Variants in ATXN1 observed in about 807,000 individuals in gnomAD.
The protein encoded by ATXN1 is ataxin 1, also known as ataxin-1.
ATXN1 carries 8 observed loss-of-function variants against 56.4 expected under a neutral mutation model. That is an observed-to-expected ratio of 0.14 (90% confidence interval 0.08 to 0.26). ATXN1 has a LOEUF of 0.26. Among genes scored for constraint, ATXN1 ranks in the 10% least tolerant of loss-of-function variants. ATXN1 has a pLI of 1.00. For missense variants in ATXN1, 987 were observed against 1,106.5 expected (o/e 0.89, Z 1.53); for synonymous variants, 514 against 494.6 (o/e 1.04, Z -0.52).
chr6:16,461,345 C>T (rs115775639), intron 6 of ATXN1, among the ~76,000 whole-genome samples: 3,090 of 152,314 alleles, frequency 0.02, 55 homozygotes, highest in Non-Finnish European at 0.025. Flanking sequence ...TTAAGACCCC[C>T]TGCCAAACTT....
At chr6:16,349,436 G>A (rs1252324399) in intron 6 of ATXN1, among the ~76,000 whole-genome samples, 1 of 152,078 alleles carries the variant, frequency 6.6e-6, no homozygotes, top group East Asian at 1.9e-4. Flanking sequence ...CCGGGAGGCA[G>A]AGGTTGCAGT....
chr6:16,420,180 C>G (rs148247220), intron 6 of ATXN1, among the ~76,000 whole-genome samples: 1 of 152,282 alleles, frequency 6.6e-6, no homozygotes, highest in Non-Finnish European at 1.5e-5. Flanking sequence ...ACCATAGCAC[C>G]ACTGTTCTCC....
chr6:16,409,560 G>A (rs1380715392), intron 6 of ATXN1, among the ~76,000 whole-genome samples: 2 of 151,938 alleles, frequency 1.3e-5, no homozygotes, highest in Non-Finnish European at 2.9e-5. Flanking sequence ...GGCTGAGGCA[G>A]GGGAATAGCT....
chr6:16,577,736 C>G (rs1762450443), intron 4 of ATXN1, among the ~76,000 whole-genome samples: 1 of 152,028 alleles, frequency 6.6e-6, no homozygotes, highest in African/African-American at 2.4e-5. Flanking sequence ...GACTGCTTCT[C>G]TAAGCTATTT....
At chr6:16,385,050 G>C (rs921891158) in intron 6 of ATXN1, among the ~76,000 whole-genome samples, 3 of 152,200 alleles carry the variant, frequency 2.0e-5, no homozygotes, top group Admixed American at 2.0e-4. Flanking sequence ...GCTGATGGCA[G>C]GGTTGAGTTT....
chr6:16,419,115 T>C (rs1758977064), intron 6 of ATXN1, among the ~76,000 whole-genome samples: 1 of 152,158 alleles, frequency 6.6e-6, no homozygotes, highest in African/African-American at 2.4e-5. Flanking sequence ...ATGAGCTTTT[T>C]GTATTGTTTT....
At chr6:16,381,662 C>T (rs1758121188) in intron 6 of ATXN1, among the ~76,000 whole-genome samples, 1 of 152,184 alleles carries the variant, frequency 6.6e-6, no homozygotes. Flanking sequence ...ATATTGTGCC[C>T]CTCACCTGAC....
At chr6:16,464,398 T>C (rs183601573) in intron 6 of ATXN1, among the ~76,000 whole-genome samples, 24 of 151,752 alleles carry the variant, frequency 1.6e-4, no homozygotes, top group African/African-American at 4.6e-4. Flanking sequence ...CAGGGACAAA[T>C]AAGGGAATAA....
intron 2 of ATXN1, among the ~76,000 whole-genome samples, chr6:16,693,435 A>C (rs897709935): frequency 6.6e-6 from 1 of 152,198 alleles, no homozygotes; most frequent in African/African-American, 2.4e-5. Context: ...AAAAAGTGCT[A>C]TATATACCAT....
intron 4 of ATXN1, among the ~76,000 whole-genome samples, chr6:16,560,980 G>A (rs554303424): frequency 2.0e-5 from 3 of 152,332 alleles, no homozygotes; most frequent in Non-Finnish European, 4.4e-5. Context: ...AGAACAAAAT[G>A]GGAGTGATGT....
At chr6:16,565,739 A>G (rs768549659) in intron 4 of ATXN1, among the ~76,000 whole-genome samples, 2 of 152,196 alleles carry the variant, frequency 1.3e-5, no homozygotes, top group Non-Finnish European at 2.9e-5. Flanking sequence ...GTTAATATCT[A>G]GGGTTAATAA....
intron 6 of ATXN1, among the ~76,000 whole-genome samples, chr6:16,448,537 G>A (rs1759680167): frequency 1.3e-5 from 2 of 152,156 alleles, no homozygotes; most frequent in Non-Finnish European, 2.9e-5. Flanking sequence ...CTATTTAACT[G>A]TATTTTTGTA....
At chr6:16,584,243 TACAC>T (rs368108414) in intron 4 of ATXN1, among the ~76,000 whole-genome samples, 1,252 of 117,786 alleles carry the variant, frequency 0.011, 25 homozygotes, top group African/African-American at 0.029. Context: ...TATATATATA[TACAC>T]ACACACACAC....
chr6:16,352,242 C>T (rs975051460), intron 6 of ATXN1, among the ~76,000 whole-genome samples: 5 of 152,082 alleles, frequency 3.3e-5, no homozygotes, highest in East Asian at 1.9e-4. Context: ...ACGTTTCCAA[C>T]GTAGAAGATA....
At chr6:16,416,798 G>C (rs1758918099) in intron 6 of ATXN1, among the ~76,000 whole-genome samples, 1 of 152,106 alleles carries the variant, frequency 6.6e-6, no homozygotes, top group African/African-American at 2.4e-5. Flanking sequence ...GTACACACTG[G>C]AATTCCTGAA....
At chr6:16,414,661 TA>T (rs2113556283) in intron 6 of ATXN1, among the ~76,000 whole-genome samples, 1 of 152,316 alleles carries the variant, frequency 6.6e-6, no homozygotes, top group African/African-American at 2.4e-5. Flanking sequence ...AAAAAAACGC[TA>T]AACCCAGTAG....
chr6:16,389,765 A>T (rs9477116), intron 6 of ATXN1, among the ~76,000 whole-genome samples: 21,897 of 152,234 alleles, frequency 0.14, 1,859 homozygotes, highest in African/African-American at 0.23. Context: ...AGGCACTGCA[A>T]TCGTTCTATT....
intron 6 of ATXN1, among the ~76,000 whole-genome samples, chr6:16,395,202 G>A (rs1207123313): frequency 1.3e-5 from 2 of 148,594 alleles, no homozygotes; most frequent in African/African-American, 5.0e-5. Context: ...CCCGGGAGGT[G>A]GAGGTTGCGG....
intron 2 of ATXN1, among the ~76,000 whole-genome samples, chr6:16,658,695 C>T (rs1758257177): frequency 6.6e-6 from 1 of 152,182 alleles, no homozygotes; most frequent in Admixed American, 6.5e-5. Context: ...TCAAATCCAC[C>T]CCACTGTTTG....
Sources: gnomAD v4.1 joint callset for allele counts (sites outside exome capture counted in the v4.1 genomes callset) on GRCh38, gnomAD v4.1.1 for gene constraint, MANE v1.5 for transcripts, NCBI Gene and HGNC (gene_info 2026-07-23, HGNC 2026-07-21) for gene names.